The following TUBGCP2 variants were observed in gnomAD, a reference collection of about 807,000 sequenced individuals.
TUBGCP2 encodes the protein tubulin gamma complex component 2.
Under a neutral mutation model 92.2 loss-of-function variants are expected in TUBGCP2, and 55 were observed. That is an observed-to-expected ratio of 0.60 (90% CI 0.48 to 0.75). The LOEUF (loss-of-function observed/expected upper bound fraction) is 0.75, where lower values mean the gene tolerates loss of function less well. Ranked by LOEUF, TUBGCP2 falls within the 30% of genes least tolerant of loss-of-function variation. The probability of loss-of-function intolerance (pLI) is 0.00; values close to 1 mark genes in which losing one functional copy is unlikely to be tolerated. For missense variants in TUBGCP2, 1,093 were observed against 1,188.9 expected (o/e 0.92, Z 1.19); for synonymous variants, 533 against 505.2 (o/e 1.06, Z -0.74).
chr10:133,283,691 TTCCCTGCCTCTCCCGC>T (rs1847049442), intron 14 of TUBGCP2, among the ~76,000 whole-genome samples, 175 bp downstream of exon 14: 2 of 7,202 alleles, frequency 2.8e-4, no homozygotes, highest in Non-Finnish European at 6.3e-4. Context: ...CTCTCCCGCA[TTCCCTGCCTCTCCCGC>T]ACGCCCTGCC....
At position 133,285,298 on chromosome 10, in the gene TUBGCP2, C is replaced by T. The variant is rs1469207700; in HGVS notation, c.1896-85G>A. ...GGCGTCTGTACTCCACAGTCCGCAC[C>T]GTGGCCCCCGGACAGCCCGTGAATC... On this transcript the variant is annotated intron_variant, in intron 12 of 17. Transcript: ENST00000252936. This position sits in a 1 kb window ranked among gnomAD's most constrained non-coding sequence, Gnocchi z 6.8. 2.5e-6 allele frequency: 4 copies of T among 1,596,220 alleles called. No individual in the cohort carries two copies. The highest frequency in any genetic ancestry group is 2.6e-6 in the Non-Finnish European group (3 of 1,174,784).
chr10:133,301,640 T>C (rs1847657606), intron 2 of TUBGCP2: 1 of 151,856 alleles, frequency 6.6e-6, no homozygotes, highest in Non-Finnish European at 1.5e-5. Context: ...AATTACATAT[T>C]ATCTGAATAA....
At chr10:133,283,731 C>G (rs895105559) in intron 14 of TUBGCP2, 151 bp downstream of exon 14, 1 of 1,055,710 alleles carries the variant, frequency 9.5e-7, no homozygotes, top group Non-Finnish European at 1.4e-6. Flanking sequence ...CCCGCACTCC[C>G]TGCCTCTCCT....
chr10:133,303,533 G>A lies in TUBGCP2; in HGVS notation c.-39-553C>T, dbSNP rs376451800. Among the ~76,000 whole-genome samples, 3 of 152,206 alleles carry A rather than the reference G, an allele frequency of 2.0e-5. No individual in the cohort carries two copies. In the South Asian group the frequency reaches 6.2e-4, roughly 32 times the overall value. On this transcript the variant is annotated intron_variant, in intron 1 of 17. Transcript: ENST00000252936. ...CAGAGCTTTCTGGTCCCAGACGTGA[G>A]GCCTGTGGGGTCTACACAGGGAGCT...
intron 4 of TUBGCP2, among the ~76,000 whole-genome samples, chr10:133,298,438 G>C (rs532958751): frequency 6.6e-6 from 1 of 152,392 alleles, no homozygotes; most frequent in East Asian, 1.9e-4. Context: ...CTGTTTCAAA[G>C]GAGGGCGCCC....
Position 133,292,631 on chromosome 10 carries a change from T to C in TUBGCP2, c.1082A>G (p.Asp361Gly). The C allele has an allele frequency of 6.2e-7, 1 of 1,614,152 alleles. No individual in the cohort carries two copies. Among genetic ancestry groups the C allele is most frequent in the South Asian group, 1.1e-5 (1 of 91,082 alleles). Residue 361 changes from aspartate to glycine, a missense_variant, in exon 8 of 18, where the codon GAC becomes GGC. Around this residue, in one of 3 missense-constraint regions of TUBGCP2, gnomAD observed 490 missense variants for 488.5 expected, o/e 1.00. Coordinates refer to ENST00000252936, the MANE Select transcript of TUBGCP2 (RefSeq NM_006659.4). ...GTCCCCTGTGTAGCTGAAGCTCCTG[T>C]CGTGGAGCAGGCTCAGCGTGGACCC... ...LGGSTLSLLHDRSFSYTGDSQ... is the reference protein window; with the variant it reads ...LGGSTLSLLHGRSFSYTGDSQ...
Position 133,302,930 on chromosome 10 carries a change from A to G in TUBGCP2, c.12T>C (p.Phe4=), listed in dbSNP as rs1405432285. The G allele has an allele frequency of 6.2e-7, 1 of 1,614,084 alleles. No homozygotes were observed. The highest frequency in any genetic ancestry group is 1.7e-5 in the Admixed American group (1 of 60,032). ...GTTCATTGACGTCATGGTGAATCCG[A>G]AATTCACTCATAGTTTTAGCTCTGA... The part of the protein sequence containing the change: MSE[F]RIHHDVNELL... The change falls in exon 2 of 18, where the codon TTT becomes TTC. Residue 4 remains phenylalanine, a synonymous_variant. Coordinates refer to ENST00000252936, the MANE Select transcript of TUBGCP2 (RefSeq NM_006659.4).
upstream of TUBGCP2, chr10:133,309,238 G>GT: frequency 2.0e-6 from 2 of 977,934 alleles, no homozygotes; most frequent in East Asian, 3.0e-5. Flanking sequence ...CTGAGGTGGT[G>GT]GGGCGGGGCC....
rs375590598 is a variant in TUBGCP2, at chr10:133,283,244, C to T, written c.2146-23G>A. 10 of 1,613,184 alleles carry T rather than the reference C, an allele frequency of 6.2e-6. No homozygotes were observed. The African/African-American group carries it at 1.2e-4, about 19-fold the overall frequency. ...GGCCTGCGGGGAACAGGCCAAGCCC[C>T]TTCTCAGAAAGACGTGGCTGACAGA... On this transcript the variant is annotated intron_variant, in intron 14 of 17. Coordinates refer to ENST00000252936, the MANE Select transcript of TUBGCP2 (RefSeq NM_006659.4).
At position 133,285,195 on chromosome 10, in the gene TUBGCP2, G is replaced by A; in HGVS notation, c.1914C>T (p.Tyr638=). ...LIINRKALTR[Y]QMLFRHMFYC... ...AGAACATGTGCCTGAAGAGCATCTG[G>A]TAGCGAGTGAGGGCTTTCCTGCAAG... Residue 638 remains tyrosine, a synonymous_variant, in exon 13 of 18, where the codon TAC becomes TAT. Transcript: ENST00000252936. This position sits in a 1 kb window ranked among gnomAD's most constrained non-coding sequence, Gnocchi z 6.8. 3.1e-6 allele frequency: 5 copies of A among 1,612,976 alleles called. No homozygotes were observed. Among genetic ancestry groups the A allele is most frequent in the Non-Finnish European group, 4.2e-6 (5 of 1,179,998 alleles).
upstream of TUBGCP2, chr10:133,309,918 G>A: frequency 1.2e-6 from 2 of 1,613,568 alleles, no homozygotes; most frequent in Non-Finnish European, 1.7e-6. Context: ...CCTGCTGGAC[G>A]CCCACATCCT....
At position 133,285,761 on chromosome 10, in the gene TUBGCP2, G is replaced by A; in HGVS notation, c.1723-133C>T. On this transcript the variant is annotated intron_variant, in intron 11 of 17. Transcript: ENST00000252936. This position sits in a 1 kb window ranked among gnomAD's most constrained non-coding sequence, Gnocchi z 6.8. The stretch of plus-strand genomic sequence containing the variant: ...CTACATTCCGATTCTAAATATCAGA[G>A]GCTTTTCAAAAACCCAAACATCTAC... 1.1e-6 allele frequency: 1 copy of A among 897,054 alleles called. No individual in the cohort carries two copies. The highest frequency in any genetic ancestry group is 3.4e-5 in the South Asian group (1 of 29,748). 55.6% of individuals were successfully genotyped at this position (897,054 alleles called of 1,614,324 possible). A position where few individuals can be genotyped will look rare whatever the true frequency, so the allele number is the denominator to read the frequency against.
At chr10:133,300,746 T>A (rs1847625177) in intron 2 of TUBGCP2, among the ~76,000 whole-genome samples, 1 of 152,218 alleles carries the variant, frequency 6.6e-6, no homozygotes, top group Non-Finnish European at 1.5e-5. Context: ...AGTGCTGGCG[T>A]TACAGGTGTG....
At chr10:133,281,183 C>G in intron 17 of TUBGCP2, 90 bp downstream of exon 17, 1 of 1,343,968 alleles carries the variant, frequency 7.4e-7, no homozygotes, top group Non-Finnish European at 1.0e-6. Context: ...CTGGACTGAG[C>G]TGAGGAAGGG....
upstream of TUBGCP2, chr10:133,310,126 C>T: frequency 5.0e-6 from 8 of 1,612,580 alleles, no homozygotes; most frequent in Non-Finnish European, 6.8e-6. Context: ...TGGGGGAGGG[C>T]CAGGGGTCAG....
At chr10:133,297,354 C>T (rs1002265107) in intron 5 of TUBGCP2, 10 of 429,178 alleles carry the variant, frequency 2.3e-5, no homozygotes, top group Admixed American at 1.3e-4. Flanking sequence ...GCCGAGATCA[C>T]GCCACTGCAC....
At chr10:133,287,746 A>C (rs187602672) in intron 11 of TUBGCP2, among the ~76,000 whole-genome samples, 2 of 152,202 alleles carry the variant, frequency 1.3e-5, no homozygotes, top group East Asian at 1.9e-4. Context: ...CGTCTCAAAA[A>C]AAAAAACAAA....
chr10:133,300,000 G>A lies in TUBGCP2; in HGVS notation c.264C>T (p.Leu88=), dbSNP rs765651040. Residue 88 remains leucine, a synonymous_variant, in exon 3 of 18, where the codon CTC becomes CTT. Coordinates refer to ENST00000252936, the MANE Select transcript of TUBGCP2 (RefSeq NM_006659.4). ...LDPLVYLLSK[L]TEDKETLQYL... ...GGGCACCTACCTCTTTGTCTTCCGT[G>A]AGCTTTGACAACAGGTACACCAGCG... 2.5e-6 allele frequency: 4 copies of A among 1,614,098 alleles called. No individual in the cohort carries two copies. In the South Asian group the frequency reaches 3.3e-5, roughly 13 times the overall value.
chr10:133,302,785 T>C lies in TUBGCP2; in HGVS notation c.150+7A>G. The C allele has an allele frequency of 1.2e-6, 2 of 1,612,306 alleles. No individual in the cohort carries two copies. Among genetic ancestry groups the C allele is most frequent in the South Asian group, 2.2e-5 (2 of 91,004 alleles). On this transcript the variant is annotated splice_region_variant and intron_variant, in intron 2 of 17. Coordinates refer to ENST00000252936, the MANE Select transcript of TUBGCP2 (RefSeq NM_006659.4). ...CTGCACAGCGCTACACCAAGGGCAG[T>C]GCTCACCTTGGCACTGTGAGCAGAG...
Sources: gnomAD v4.1 joint callset for allele counts (sites outside exome capture counted in the v4.1 genomes callset) on GRCh38, gnomAD v4.1.1 for gene constraint, gnomAD v4.1.1 regional missense constraint, Gnocchi (gnomAD v3.1) non-coding constraint, MANE v1.5 for transcripts, NCBI Gene and HGNC (gene_info 2026-07-23, HGNC 2026-07-21) for gene names.